SH3RF3: variants seen among roughly 807,000 people sequenced by gnomAD.
SH3RF3 encodes the protein SH3 domain containing ring finger 3.
Under a neutral mutation model 66.3 loss-of-function variants are expected in SH3RF3, and 29 were observed. The observed-to-expected ratio is 0.44, with a 90% CI of 0.33 to 0.60. The LOEUF is 0.60. Among genes scored for constraint, SH3RF3 ranks in the 20% least tolerant of loss-of-function variants. The pLI is 0.04. For synonymous variants in SH3RF3, 583 were observed against 532.0 expected (o/e 1.10, Z -1.32); for missense variants, 1,194 against 1,190.9 (o/e 1.00, Z -0.04).
chr2:109,436,844 G>T (rs181518497), intron 6 of SH3RF3, 49 bp from the exon 7 acceptor site: 19 of 1,586,576 alleles, frequency 1.2e-5, no homozygotes, highest in Admixed American at 1.7e-5. Flanking sequence ...CACATGGCAC[G>T]AATGCCTCTG....
intron 1 of SH3RF3, among the ~76,000 whole-genome samples, chr2:109,240,913 C>T (rs1679765643): frequency 6.6e-6 from 1 of 151,338 alleles, no homozygotes; most frequent in South Asian, 2.1e-4. Context: ...TTGCTCCCCG[C>T]TTCTTTTCTC....
intron 1 of SH3RF3, among the ~76,000 whole-genome samples, chr2:109,200,558 A>G (rs1357687779): frequency 6.6e-6 from 1 of 152,054 alleles, no homozygotes; most frequent in Non-Finnish European, 1.5e-5. Flanking sequence ...CCCGGCCTCC[A>G]GCCTTGCTCT....
chr2:109,347,639 A>G (rs1422484758), intron 1 of SH3RF3, 35 bp from the exon 2 acceptor site: 1 of 1,603,106 alleles, frequency 6.2e-7, no homozygotes, highest in East Asian at 2.2e-5. Flanking sequence ...GGGAAGGGGC[A>G]TGCCCGGTGA....
intron 1 of SH3RF3, among the ~76,000 whole-genome samples, chr2:109,235,512 C>T (rs1679626234): frequency 6.6e-6 from 1 of 152,194 alleles, no homozygotes; most frequent in Admixed American, 6.5e-5. Flanking sequence ...CACATGGGGC[C>T]ATCTGGTCAC....
intron 9 of SH3RF3, among the ~76,000 whole-genome samples, chr2:109,501,156 G>T (rs749583297): frequency 6.6e-6 from 1 of 152,146 alleles, no homozygotes; most frequent in South Asian, 2.1e-4. Flanking sequence ...CCCCGCCCCT[G>T]CCCCTGGGAG....
At chr2:109,284,648 G>A (rs543537213) in intron 1 of SH3RF3, among the ~76,000 whole-genome samples, 1 of 152,326 alleles carries the variant, frequency 6.6e-6, no homozygotes, top group Non-Finnish European at 1.5e-5. Flanking sequence ...CAATGTCATG[G>A]GTTAGACCAT....
intron 1 of SH3RF3, among the ~76,000 whole-genome samples, chr2:109,329,798 A>G (rs1306823214): frequency 6.6e-6 from 1 of 152,258 alleles, no homozygotes; most frequent in African/African-American, 2.4e-5. Context: ...CCTCACTTTC[A>G]GCCCACCTTC....
At chr2:109,195,968 C>T (rs764629872) in intron 1 of SH3RF3, among the ~76,000 whole-genome samples, 29 of 152,216 alleles carry the variant, frequency 1.9e-4, no homozygotes, top group African/African-American at 6.0e-4. Flanking sequence ...ACCTTGCGGG[C>T]CTTCTGGAGA....
At chr2:109,149,459 C>T (rs983886050) in intron 1 of SH3RF3, among the ~76,000 whole-genome samples, 3 of 152,210 alleles carry the variant, frequency 2.0e-5, no homozygotes, top group South Asian at 4.1e-4. Flanking sequence ...GAGGTTGCCA[C>T]AGCATTTCAT....
intron 5 of SH3RF3, among the ~76,000 whole-genome samples, chr2:109,431,575 T>C (rs1279444301): frequency 2.0e-5 from 3 of 152,224 alleles, no homozygotes; most frequent in Non-Finnish European, 4.4e-5. Context: ...AAATTTGCTC[T>C]TTCCTTATTT....
intron 1 of SH3RF3, among the ~76,000 whole-genome samples, chr2:109,202,962 T>C (rs1022468282): frequency 1.3e-5 from 2 of 152,204 alleles, no homozygotes; most frequent in African/African-American, 4.8e-5. Flanking sequence ...GAGCTGGTCT[T>C]GTGCCTGAGG....
chr2:109,361,713 T>C (rs1683054122), intron 2 of SH3RF3, among the ~76,000 whole-genome samples: 1 of 152,188 alleles, frequency 6.6e-6, no homozygotes, highest in Non-Finnish European at 1.5e-5. Context: ...TGACTTCAAA[T>C]AATCTGCCCA....
intron 1 of SH3RF3, among the ~76,000 whole-genome samples, chr2:109,331,076 C>T (rs1682271229): frequency 2.0e-5 from 3 of 152,208 alleles, no homozygotes; most frequent in Admixed American, 6.5e-5. Context: ...GACTCCTCAG[C>T]TTTTCCTTCC....
chr2:109,165,267 G>T (rs1677593545), intron 1 of SH3RF3, among the ~76,000 whole-genome samples: 1 of 152,198 alleles, frequency 6.6e-6, no homozygotes, highest in Admixed American at 6.5e-5. Context: ...GAGTCATTTT[G>T]CAGGAAAGAG....
chr2:109,490,651 C>T lies in SH3RF3; in HGVS notation c.2195C>T (p.Thr732Ile), dbSNP rs1679104328. The T allele has an allele frequency of 1.3e-6, 2 of 1,506,302 alleles. No homozygotes were observed. Among genetic ancestry groups the T allele is most frequent in the Non-Finnish European group, 1.8e-6 (2 of 1,126,672 alleles). 93.3% of individuals were successfully genotyped at this position (1,506,302 alleles called of 1,614,324 possible). ...GLLKLLAGAS[T>I]KKKSRSPPSV... ...CTGAAGCTTCTAGCCGGAGCATCCACCAAGAAGAAGTCACGCTCCCCGCCA... is the reference window on the plus strand; with the variant it reads ...CTGAAGCTTCTAGCCGGAGCATCCATCAAGAAGAAGTCACGCTCCCCGCCA... Residue 732 changes from threonine to isoleucine, a missense_variant, in exon 9 of 10, where the codon ACC (threonine) becomes ATC (isoleucine). Coordinates refer to ENST00000309415, the MANE Select transcript of SH3RF3 (RefSeq NM_001099289.3).
intron 3 of SH3RF3, among the ~76,000 whole-genome samples, chr2:109,393,684 T>G (rs967852891): frequency 2.0e-5 from 3 of 151,988 alleles, no homozygotes; most frequent in Admixed American, 2.0e-4. Context: ...CCCTCCCTTG[T>G]ATCGCGCTCC....
chr2:109,302,102 C>T (rs1427185535), intron 1 of SH3RF3, among the ~76,000 whole-genome samples: 4 of 152,172 alleles, frequency 2.6e-5, no homozygotes, highest in Non-Finnish European at 5.9e-5. Context: ...CCACTGCAAT[C>T]GATAGCAGAG....
In SH3RF3 at chr2:109,223,092, C is replaced by CTAA. The variant is rs1324257884; in HGVS notation, c.573+92979_573+92980insTAA. Among the ~76,000 whole-genome samples the CTAA allele has an allele frequency of 4.6e-5, 7 of 152,380 alleles. No homozygotes were observed. In the East Asian group the frequency reaches 1.3e-3, roughly 29 times the overall value. ...CTGGCACCACGCCCTGATGCTTCTC[C>CTAA]ATCCCAGACAGGGGGAAGCAGGTGG... On this transcript the variant is annotated intron_variant, in intron 1 of 9. Coordinates refer to ENST00000309415, the MANE Select transcript of SH3RF3 (RefSeq NM_001099289.3).
At chr2:109,131,531 C>T (rs1676695873) in intron 1 of SH3RF3, among the ~76,000 whole-genome samples, 1 of 152,124 alleles carries the variant, frequency 6.6e-6, no homozygotes, top group African/African-American at 2.4e-5. Flanking sequence ...TAGTAAAACG[C>T]TGGGACATTC....
Sources: allele counts gnomAD v4.1 joint callset (sites outside exome capture counted in the v4.1 genomes callset), GRCh38; gene constraint gnomAD v4.1.1; transcripts MANE v1.5; gene names NCBI Gene and HGNC (gene_info 2026-07-23, HGNC 2026-07-21).